The following CUBN variants were observed in gnomAD, a reference collection of about 807,000 sequenced individuals.
The protein encoded by CUBN is cubilin.
In CUBN, 282 loss-of-function variants were observed where a neutral mutation model predicts 405.3. The ratio of observed to expected loss-of-function variants is 0.70; its 90% CI spans 0.63 to 0.77. The LOEUF is 0.77. Among genes scored for constraint, CUBN ranks in the 30% least tolerant of loss-of-function variants. CUBN has a pLI of 0.00. For missense variants in CUBN, 4,514 were observed against 4,475.2 expected, an observed-to-expected ratio of 1.01 and a Z score of -0.25; for synonymous variants, 1,684 against 1,617.0, an observed-to-expected ratio of 1.04 and a Z score of -0.99.
chr10:16,887,888 T>G (rs1195036922), intron 56 of CUBN, among the ~76,000 whole-genome samples: 1 of 152,178 alleles, frequency 6.6e-6, no homozygotes, highest in Non-Finnish European at 1.5e-5. Flanking sequence ...GGAATACTCT[T>G]TGGCCTTAAA....
Position 16,873,551 on chromosome 10 carries a change from G to A in CUBN, c.9236+823C>T, listed in dbSNP as rs575722268. On this transcript the variant is annotated intron_variant, in intron 58 of 66. Transcript: ENST00000377833. ...AGCATGACCAACATGGTGAAACCCC[G>A]TCGCTACCAGAAATACAAAACTGAG... Among the ~76,000 whole-genome samples, 138 of 151,946 alleles carry A rather than the reference G, an allele frequency of 9.1e-4. 2 individuals are homozygous for A. The highest frequency in any genetic ancestry group is 1.4e-3 in the Non-Finnish European group (95 of 67,926).
At chr10:16,872,278 G>A (rs745913223) in intron 58 of CUBN, among the ~76,000 whole-genome samples, 12 of 151,410 alleles carry the variant, frequency 7.9e-5, no homozygotes. Flanking sequence ...ACATGCAGAT[G>A]TAAATTTCAT....
intron 31 of CUBN, among the ~76,000 whole-genome samples, chr10:16,964,347 T>C (rs1321080429): frequency 1.3e-5 from 2 of 152,202 alleles, no homozygotes; most frequent in African/African-American, 4.8e-5. Flanking sequence ...AGCACGTCCA[T>C]TTCATTGACT....
At position 16,836,344 on chromosome 10, in the gene CUBN, A is replaced by G. The variant is rs781587982; in HGVS notation, c.10071T>C (p.Asn3357=). ...GNSRFQFCGR[N]ASAVPVFYSS... is the part of the protein sequence containing the mutation. ...AATAAAACACTGGCACAGCCGAAGC[A>G]TTTCTGCCACAGAACTGAAATCTTG... Residue 3357 remains asparagine, a synonymous_variant, in exon 63 of 67, where the codon AAT becomes AAC. Coordinates refer to ENST00000377833, the MANE Select transcript of CUBN (RefSeq NM_001081.4). 6.2e-7 allele frequency: 1 copy of G among 1,614,120 alleles called. No individual in the cohort carries two copies. Among genetic ancestry groups the G allele is most frequent in the South Asian group, 1.1e-5 (1 of 91,080 alleles).
At chr10:16,845,450 G>T (rs1452314709) in intron 60 of CUBN, among the ~76,000 whole-genome samples, 1 of 152,164 alleles carries the variant, frequency 6.6e-6, no homozygotes, top group Non-Finnish European at 1.5e-5. Context: ...TTTAGTATGG[G>T]AAGAAGAATA....
intron 59 of CUBN, among the ~76,000 whole-genome samples, chr10:16,869,306 C>T (rs1840280138): frequency 6.6e-6 from 1 of 151,568 alleles, no homozygotes; most frequent in Non-Finnish European, 1.5e-5. Context: ...GCTGGGATTA[C>T]AGGCACACAC....
At chr10:16,891,951 G>A (rs928909268) in intron 54 of CUBN, among the ~76,000 whole-genome samples, 5 of 152,192 alleles carry the variant, frequency 3.3e-5, no homozygotes, top group Admixed American at 6.5e-5. Flanking sequence ...GATGTAGTTG[G>A]ATGTGTATTA....
At chr10:16,903,652 T>A (rs906475638) in intron 51 of CUBN, among the ~76,000 whole-genome samples, 4 of 147,590 alleles carry the variant, frequency 2.7e-5, no homozygotes, top group African/African-American at 9.8e-5. Flanking sequence ...ATAATTATTA[T>A]TAATAATTAT....
intron 22 of CUBN, among the ~76,000 whole-genome samples, chr10:17,052,572 C>A (rs1835294275): frequency 6.6e-6 from 1 of 151,556 alleles, no homozygotes; most frequent in Non-Finnish European, 1.5e-5. Context: ...GCCTGGCCAA[C>A]ATGGTGAAAC....
At chr10:16,856,256 A>G (rs373708071) in intron 59 of CUBN, among the ~76,000 whole-genome samples, 1 of 152,212 alleles carries the variant, frequency 6.6e-6, no homozygotes, top group African/African-American at 2.4e-5. Flanking sequence ...GCTCTCATCC[A>G]TCAGCACCTG....
intron 27 of CUBN, among the ~76,000 whole-genome samples, chr10:17,021,621 C>T (rs1252724162): frequency 6.6e-6 from 1 of 152,168 alleles, no homozygotes; most frequent in Non-Finnish European, 1.5e-5. Context: ...TCAATGAATT[C>T]CAGACTGATC....
In CUBN at chr10:16,908,692, G is replaced by C. The variant is rs947133357; in HGVS notation, c.7534-1013C>G. On this transcript the variant is annotated intron_variant, in intron 48 of 66. Transcript: ENST00000377833. The stretch of plus-strand genomic sequence containing the variant: ...TAAAATCAAATGAATTTGCATGACT[G>C]GTTTTCACAGTTCAAAAAAAATCTA... 2.8e-4 allele frequency among the ~76,000 whole-genome samples: 42 copies of C among 151,980 alleles called. 1 individual carries two copies. Among genetic ancestry groups the C allele is most frequent in the African/African-American group, 9.7e-4 (40 of 41,380 alleles).
chr10:16,985,767 C>T lies in CUBN; in HGVS notation c.4351-1488G>A, dbSNP rs530449874. 7.9e-5 allele frequency among the ~76,000 whole-genome samples: 12 copies of T among 152,352 alleles called. No individual in the cohort carries two copies. In the South Asian group the frequency reaches 1.0e-3, roughly 13 times the overall value. ...CACACCCCTGTCACAGGTCCTGCGA[C>T]GGGGTGGTCAGGGAACTCTCTTGTT... On this transcript the variant is annotated intron_variant, in intron 29 of 66. Transcript: ENST00000377833.
intron 31 of CUBN, among the ~76,000 whole-genome samples, chr10:16,961,632 A>G (rs1236059845): frequency 6.6e-6 from 1 of 152,058 alleles, no homozygotes; most frequent in African/African-American, 2.4e-5. Flanking sequence ...CTTATAAATA[A>G]GCATTATTTA....
intron 29 of CUBN, among the ~76,000 whole-genome samples, chr10:16,985,124 G>A (rs557426026): frequency 5.8e-4 from 89 of 152,314 alleles, no homozygotes; most frequent in Non-Finnish European, 8.5e-4. Context: ...GGAAACCCAC[G>A]GCCCTAAACG....
At chr10:16,966,898 G>A (rs1843407668) in intron 31 of CUBN, among the ~76,000 whole-genome samples, 1 of 152,154 alleles carries the variant, frequency 6.6e-6, no homozygotes, top group Non-Finnish European at 1.5e-5. Flanking sequence ...GTGATTTTGA[G>A]GATCGAGAGT....
intron 31 of CUBN, among the ~76,000 whole-genome samples, chr10:16,966,903 G>A (rs74860777): frequency 1.8e-4 from 27 of 152,134 alleles, no homozygotes; most frequent in Non-Finnish European, 3.4e-4. Flanking sequence ...TTTGAGGATC[G>A]AGAGTCCATG....
intron 60 of CUBN, 39 bp downstream of exon 60, chr10:16,851,196 G>A (rs1839672800): frequency 6.8e-7 from 1 of 1,475,066 alleles, no homozygotes; most frequent in African/African-American, 1.4e-5. Flanking sequence ...TTAGAGTCTG[G>A]GATGAATAGA....
chr10:16,950,254 G>A, intron 33 of CUBN, 143 bp from the exon 34 acceptor site: 1 of 659,112 alleles, frequency 1.5e-6, no homozygotes, highest in Non-Finnish European at 2.8e-6. Context: ...AGCACAACAG[G>A]GTAATTGTAG....
Sources: allele counts gnomAD v4.1 joint callset (sites outside exome capture counted in the v4.1 genomes callset), GRCh38; gene constraint gnomAD v4.1.1; transcripts MANE v1.5; gene names NCBI Gene and HGNC (gene_info 2026-07-23, HGNC 2026-07-21).